Variants in SMU1 observed in about 807,000 individuals in gnomAD.
SMU1 encodes the protein SMU1 DNA replication regulator and spliceosomal factor.
A neutral mutation model predicts 62.0 loss-of-function variants in SMU1; 2 were observed. That is an observed-to-expected ratio of 0.03 (90% CI 0.01 to 0.10). The LOEUF (loss-of-function observed/expected upper bound fraction) is 0.10, where lower values mean the gene tolerates loss of function less well. Ranked by LOEUF, SMU1 falls within the 10% of genes least tolerant of loss-of-function variation. The pLI is 1.00. For synonymous variants in SMU1, 188 were observed against 212.4 expected, an observed-to-expected ratio of 0.89 and a Z score of 1.00; for missense variants, 227 against 622.1, an observed-to-expected ratio of 0.36 and a Z score of 6.76.
chr9:33,076,656 C>A lies in SMU1; in HGVS notation c.-48G>T, dbSNP rs764456018. ...GCCCCAGCTCTCCCTCAAGGCCAGT[C>A]GCGCAACACACCAACGACACCTCCG... On this transcript the variant is annotated 5_prime_UTR_variant, in exon 1 of 12. Transcript: ENST00000397149. 27 of 1,613,258 alleles carry A rather than the reference C, an allele frequency of 1.7e-5. No individual in the cohort carries two copies. In the African/African-American group the frequency reaches 1.7e-4, roughly 10 times the overall value.
At chr9:33,052,994 A>C in intron 10 of SMU1, 129 bp downstream of exon 10, 1 of 762,514 alleles carries the variant, frequency 1.3e-6, no homozygotes, top group Non-Finnish European at 2.2e-6. Context: ...CTGAAAAACA[A>C]ATACAGCTTA....
chr9:33,059,859 G>A (rs906990228), intron 6 of SMU1, among the ~76,000 whole-genome samples: 41 of 151,724 alleles, frequency 2.7e-4, no homozygotes, highest in Middle Eastern at 3.4e-3. Context: ...TGATCCACCC[G>A]CCTCAGCCTC....
intron 9 of SMU1, 95 bp from the exon 10 acceptor site, chr9:33,053,385 T>C (rs1247827969): frequency 4.8e-6 from 6 of 1,255,588 alleles, no homozygotes; most frequent in African/African-American, 3.1e-5. Flanking sequence ...TAAAAAAGAA[T>C]AGAAATGATT....
intron 9 of SMU1, among the ~76,000 whole-genome samples, chr9:33,053,786 T>C (rs938622270): frequency 1.3e-5 from 2 of 152,266 alleles, no homozygotes; most frequent in African/African-American, 4.8e-5. Context: ...GGACCAACTG[T>C]AATAGAGTAA....
At chr9:33,055,959 A>G (rs1288263066) in intron 9 of SMU1, among the ~76,000 whole-genome samples, 154 bp downstream of exon 9, 1 of 152,218 alleles carries the variant, frequency 6.6e-6, no homozygotes, top group African/African-American at 2.4e-5. Context: ...CCCACAGAAT[A>G]CTGTTGTTGT....
chr9:33,052,750 T>C (rs1426353226), intron 10 of SMU1, among the ~76,000 whole-genome samples: 1 of 152,250 alleles, frequency 6.6e-6, no homozygotes, highest in Admixed American at 6.5e-5. Flanking sequence ...TGTTCCACTT[T>C]AGATCGTGGT....
intron 4 of SMU1, among the ~76,000 whole-genome samples, chr9:33,065,409 G>A (rs1286059695): frequency 2.0e-5 from 3 of 152,038 alleles, no homozygotes; most frequent in Non-Finnish European, 4.4e-5. Flanking sequence ...TATTTCCACT[G>A]TCTCTAGAAA....
At chr9:33,056,690 GA>G in intron 8 of SMU1, 146 bp downstream of exon 8, 1 of 832,156 alleles carries the variant, frequency 1.2e-6, no homozygotes, top group Non-Finnish European at 1.9e-6. Context: ...GTACTTTGGG[GA>G]CATAAGGTCT....
intron 3 of SMU1, 101 bp from the exon 4 acceptor site, chr9:33,069,035 G>C: frequency 7.1e-7 from 1 of 1,415,234 alleles, no homozygotes; most frequent in Non-Finnish European, 9.3e-7. Flanking sequence ...AGAGGAAAAT[G>C]TGAAAAGAAA....
At chr9:33,059,718 G>A (rs2119435143) in intron 6 of SMU1, among the ~76,000 whole-genome samples, 1 of 149,750 alleles carries the variant, frequency 6.7e-6, no homozygotes, top group Middle Eastern at 3.5e-3. Context: ...CAATTTTCCT[G>A]CCTCAGTCTC....
chr9:33,066,504 T>TGAAAAAAAAAA (rs1289918886), intron 4 of SMU1, among the ~76,000 whole-genome samples: 1 of 20,162 alleles, frequency 5.0e-5, no homozygotes, highest in Non-Finnish European at 1.0e-4. Flanking sequence ...TTCCATTTAA[T>TGAAAAAAAAAA]TAAAAAAAAA....
At chr9:33,049,829 T>C (rs528372534) in intron 10 of SMU1, among the ~76,000 whole-genome samples, 2 of 151,738 alleles carry the variant, frequency 1.3e-5, no homozygotes, top group East Asian at 3.9e-4. Context: ...TCCCAGCCAC[T>C]TAGAAGACTG....
At chr9:33,060,206 C>T (rs1395660637) in intron 6 of SMU1, among the ~76,000 whole-genome samples, 1 of 152,032 alleles carries the variant, frequency 6.6e-6, no homozygotes, top group African/African-American at 2.4e-5. Context: ...GGTAGAGACG[C>T]GGTCTCACTA....
At chr9:33,068,728 C>G in intron 4 of SMU1, 96 bp downstream of exon 4, 1 of 1,422,002 alleles carries the variant, frequency 7.0e-7, no homozygotes, top group South Asian at 1.3e-5. Flanking sequence ...TGGTCTCCAA[C>G]TACTAGGCTC....
intron 3 of SMU1, among the ~76,000 whole-genome samples, chr9:33,071,529 G>C (rs1839486540): frequency 6.6e-6 from 1 of 152,044 alleles, no homozygotes; most frequent in Non-Finnish European, 1.5e-5. Context: ...GAGGTGTATA[G>C]AAGACTCAAA....
intron 4 of SMU1, among the ~76,000 whole-genome samples, chr9:33,067,297 C>CA (rs58105257): frequency 0.091 from 4,764 of 52,536 alleles, 551 homozygotes; most frequent in Non-Finnish European, 0.12. Context: ...TGCTAATGAC[C>CA]AAAAAAAAAA....
intron 6 of SMU1, 59 bp downstream of exon 6, chr9:33,060,402 GGTAA>G: frequency 2.9e-6 from 4 of 1,382,540 alleles, no homozygotes; most frequent in Non-Finnish European, 3.0e-6. Flanking sequence ...AGAGGCCATA[GGTAA>G]GTAATTCAAA....
At chr9:33,051,134 A>T (rs1272674583) in intron 10 of SMU1, among the ~76,000 whole-genome samples, 8 of 63,696 alleles carry the variant, frequency 1.3e-4, no homozygotes, top group African/African-American at 5.3e-4. Context: ...AAAAAAAAAA[A>T]ATAAAAATAA....
At chr9:33,073,564 C>A in intron 2 of SMU1, 32 bp downstream of exon 2, 2 of 1,564,624 alleles carry the variant, frequency 1.3e-6, no homozygotes, top group Non-Finnish European at 1.8e-6. Context: ...AACGAACCAA[C>A]CCATGGGGAT....
Sources: allele counts gnomAD v4.1 joint callset (sites outside exome capture counted in the v4.1 genomes callset), GRCh38; gene constraint gnomAD v4.1.1; transcripts MANE v1.5; gene names NCBI Gene and HGNC (gene_info 2026-07-23, HGNC 2026-07-21).